FAM171A1: variants seen among roughly 807,000 people sequenced by gnomAD.
The protein encoded by FAM171A1 is family with sequence similarity 171 member A1, also known as protein FAM171A1.
In FAM171A1, 23 loss-of-function variants were observed where a neutral mutation model predicts 74.9. The observed-to-expected ratio is 0.31, with a 90% confidence interval of 0.22 to 0.44. The LOEUF (loss-of-function observed/expected upper bound fraction) is 0.44. Ranked by LOEUF, FAM171A1 falls within the 20% of genes least tolerant of loss-of-function variation. The pLI, the probability that FAM171A1 is intolerant of heterozygous loss-of-function variation, is 1.00. For synonymous variants in FAM171A1, 527 were observed against 505.7 expected, an observed-to-expected ratio of 1.04 and a Z score of -0.57; for missense variants, 1,162 against 1,159.2, an observed-to-expected ratio of 1.00 and a Z score of -0.03.
chr10:15,297,202 G>GAGCA (rs1835172435), intron 1 of FAM171A1, among the ~76,000 whole-genome samples: 1 of 151,932 alleles, frequency 6.6e-6, no homozygotes, highest in Admixed American at 6.6e-5. Context: ...GGGATTACAG[G>GAGCA]AGCACACCAC....
At chr10:15,365,665 G>A (rs909305794) in intron 1 of FAM171A1, among the ~76,000 whole-genome samples, 1 of 152,004 alleles carries the variant, frequency 6.6e-6, no homozygotes, top group African/African-American at 2.4e-5. Context: ...AGCTACTAGG[G>A]AGGCCGAGGC....
chr10:15,286,183 G>T (rs1405589433), intron 1 of FAM171A1, among the ~76,000 whole-genome samples: 4 of 152,178 alleles, frequency 2.6e-5, no homozygotes, highest in Non-Finnish European at 5.9e-5. Context: ...GGTGCTTGGG[G>T]ATACCAGATT....
chr10:15,228,614 T>TG (rs1169802025), intron 5 of FAM171A1, among the ~76,000 whole-genome samples: 2 of 152,242 alleles, frequency 1.3e-5, no homozygotes, highest in African/African-American at 4.8e-5. Flanking sequence ...CCCAAGGTGC[T>TG]GGGGTTGCAG....
intron 1 of FAM171A1, among the ~76,000 whole-genome samples, chr10:15,347,589 G>A (rs1275776498): frequency 6.6e-6 from 1 of 152,126 alleles, no homozygotes; most frequent in South Asian, 2.1e-4. Flanking sequence ...TGTAATGCCA[G>A]CACTTTGGGA....
At chr10:15,344,938 C>T (rs1165418461) in intron 1 of FAM171A1, among the ~76,000 whole-genome samples, 2 of 152,150 alleles carry the variant, frequency 1.3e-5, no homozygotes, top group East Asian at 1.9e-4. Flanking sequence ...GTTCTTCAGC[C>T]CTGAACAAAG....
At chr10:15,360,421 A>C (rs1479795734) in intron 1 of FAM171A1, among the ~76,000 whole-genome samples, 2 of 152,244 alleles carry the variant, frequency 1.3e-5, no homozygotes, top group East Asian at 3.8e-4. Context: ...GTTCCTTAAC[A>C]TGCTTCCCTT....
chr10:15,337,048 T>A (rs976881290), intron 1 of FAM171A1, among the ~76,000 whole-genome samples: 68 of 150,816 alleles, frequency 4.5e-4, no homozygotes, highest in Middle Eastern at 3.4e-3. Context: ...TTGGCTATTT[T>A]TTTTTTTTTT....
chr10:15,276,896 G>A (rs1184535643), intron 2 of FAM171A1, among the ~76,000 whole-genome samples: 5 of 151,958 alleles, frequency 3.3e-5, no homozygotes, highest in Admixed American at 2.6e-4. Flanking sequence ...ATGTTGCCCA[G>A]GTTACTCTCA....
intron 5 of FAM171A1, chr10:15,241,643 A>T (rs1254922496): frequency 1.3e-5 from 2 of 152,180 alleles, no homozygotes; most frequent in East Asian, 3.8e-4. Context: ...AATTTTATGT[A>T]CTTAAGATGT....
At chr10:15,275,778 C>T (rs1834885077) in intron 3 of FAM171A1, 77 bp downstream of exon 3, 2 of 952,512 alleles carry the variant, frequency 2.1e-6, no homozygotes, top group African/African-American at 1.6e-5. Context: ...CATCACATCA[C>T]ATTGTACACC....
Position 15,221,030 on chromosome 10 carries a change from A to G in FAM171A1, c.785T>C (p.Val262Ala), listed in dbSNP as rs373363369. Reference protein sequence around the residue: ...GTWLKSGLGLVHQEGSQLTWT... With the variant: ...GTWLKSGLGLAHQEGSQLTWT... ...CGTCAGCTGGCTGCCTTCCTGGTGC[A>G]CAAGACCCAGACCGCTCTTCAGCCA... Residue 262 changes from valine (V) to alanine (A), a missense_variant, in exon 6 of 8, where the codon GTG becomes GCG. Physicochemically the swap from Val to Ala is moderately conservative, Grantham distance 64. Coordinates refer to ENST00000378116, the MANE Select transcript of FAM171A1 (RefSeq NM_001010924.2). 2.5e-6 allele frequency: 4 copies of G among 1,614,170 alleles called. No individual in the cohort carries two copies. In the Admixed American group the frequency reaches 5.0e-5, roughly 20 times the overall value.
intron 5 of FAM171A1, among the ~76,000 whole-genome samples, chr10:15,238,171 A>T (rs2131743350): frequency 6.6e-6 from 1 of 152,270 alleles, no homozygotes; most frequent in African/African-American, 2.4e-5. Flanking sequence ...CCAATCACCC[A>T]CCTCAGTATT....
upstream of FAM171A1, among the ~76,000 whole-genome samples, chr10:15,371,661 T>C (rs1330994743): frequency 1.3e-5 from 2 of 152,276 alleles, no homozygotes; most frequent in Non-Finnish European, 2.9e-5. Flanking sequence ...TAGACTGCAG[T>C]AGGCCTGCAG....
At chr10:15,370,807 G>A (rs1055284876) in intron 1 of FAM171A1, 149 bp downstream of exon 1, 23 of 186,280 alleles carry the variant, frequency 1.2e-4, no homozygotes, top group Admixed American at 4.7e-4. Context: ...GCGCGTTGCG[G>A]GTGCTGCAGG....
At chr10:15,333,782 A>T (rs1006742464) in intron 1 of FAM171A1, among the ~76,000 whole-genome samples, 1 of 150,228 alleles carries the variant, frequency 6.7e-6, no homozygotes, top group Non-Finnish European at 1.5e-5. Flanking sequence ...GTTGCAGTGT[A>T]GTGATTGTGC....
In FAM171A1 at chr10:15,213,543, T is replaced by C; in HGVS notation, c.2045A>G (p.Asn682Ser). 6.2e-7 allele frequency: 1 copy of C among 1,614,142 alleles called. No homozygotes were observed. Among genetic ancestry groups the C allele is most frequent in the Non-Finnish European group, 8.5e-7 (1 of 1,180,034 alleles). ...SLNDAALAQM[N>S]SEVQLLTEKA... is the part of the protein sequence containing the mutation. ...TTCAGTCAGGAGCTGCACCTCACTG[T>C]TCATCTGAGCCAAAGCCGCGTCGTT... is the stretch of plus-strand genomic sequence containing the variant. The change falls in exon 8 of 8, where the codon AAC (asparagine) becomes AGC (serine). Residue 682 changes from asparagine (N) to serine (S), a missense_variant. Transcript: ENST00000378116. This position sits in a 1 kb window ranked among gnomAD's most constrained non-coding sequence, Gnocchi z 6.8.
chr10:15,307,216 T>G (rs1162557415), intron 1 of FAM171A1, among the ~76,000 whole-genome samples: 1 of 152,064 alleles, frequency 6.6e-6, no homozygotes, highest in Non-Finnish European at 1.5e-5. Flanking sequence ...GCTTGCAGGG[T>G]GCAAATGCAT....
chr10:15,219,038 T>G (rs980213553), intron 6 of FAM171A1, among the ~76,000 whole-genome samples: 1 of 152,124 alleles, frequency 6.6e-6, no homozygotes, highest in Non-Finnish European at 1.5e-5. Context: ...ATTTCAGCAC[T>G]TTGGGAGGCT....
chr10:15,368,821 T>G (rs548852269), intron 1 of FAM171A1, among the ~76,000 whole-genome samples: 1 of 152,228 alleles, frequency 6.6e-6, no homozygotes, highest in Non-Finnish European at 1.5e-5. Flanking sequence ...AACATTAAGA[T>G]GCTTTGAAGA....
Sources: gnomAD v4.1 joint callset for allele counts (sites outside exome capture counted in the v4.1 genomes callset) on GRCh38, gnomAD v4.1.1 for gene constraint, Gnocchi (gnomAD v3.1) non-coding constraint, MANE v1.5 for transcripts, NCBI Gene and HGNC (gene_info 2026-07-23, HGNC 2026-07-21) for gene names.